The following SAMD4A variants were observed in gnomAD, a reference collection of about 807,000 sequenced individuals.
The protein encoded by SAMD4A is sterile alpha motif domain containing 4A, also known as protein Smaug homolog 1.
Under a neutral mutation model 81.3 loss-of-function variants are expected in SAMD4A, and 33 were observed. The ratio of observed to expected loss-of-function variants is 0.41; its 90% CI spans 0.31 to 0.54. The LOEUF (loss-of-function observed/expected upper bound fraction) is 0.54, where lower values mean the gene tolerates loss of function less well. Among genes scored for constraint, SAMD4A ranks in the 20% least tolerant of loss-of-function variants. SAMD4A has a pLI of 0.37. For synonymous variants in SAMD4A, 389 were observed against 382.1 expected, an observed-to-expected ratio of 1.02 and a Z score of -0.21; for missense variants, 854 against 951.1, an observed-to-expected ratio of 0.90 and a Z score of 1.34.
chr14:54,692,878 C>CCCT (rs1555343986), intron 2 of SAMD4A: 2 of 141,876 alleles, frequency 1.4e-5, no homozygotes, highest in East Asian at 2.0e-4. Context: ...CACTTAGTGC[C>CCCT]CCCCCCCGCA....
chr14:54,623,408 A>G (rs905252075), intron 2 of SAMD4A, among the ~76,000 whole-genome samples: 9 of 142,986 alleles, frequency 6.3e-5, no homozygotes, highest in African/African-American at 2.3e-4. Context: ...GAGAGCATTT[A>G]TAGTCACAGC....
chr14:54,673,677 C>T (rs920564039), intron 2 of SAMD4A, among the ~76,000 whole-genome samples: 48 of 152,216 alleles, frequency 3.2e-4, no homozygotes, highest in African/African-American at 1.1e-3. Context: ...GGTGGGAGGG[C>T]TCTGCAGCCC....
chr14:54,689,699 C>A (rs2036382684), intron 2 of SAMD4A: 1 of 152,204 alleles, frequency 6.6e-6, no homozygotes, highest in African/African-American at 2.4e-5. Context: ...GACAACTGAA[C>A]CCATCTTAGG....
chr14:54,584,697 TA>T (rs1284380570), intron 2 of SAMD4A, among the ~76,000 whole-genome samples: 1 of 152,200 alleles, frequency 6.6e-6, no homozygotes, highest in Non-Finnish European at 1.5e-5. Context: ...ACACAATTGT[TA>T]ACATGTTTTC....
At chr14:54,724,574 G>A (rs1185166277) in intron 3 of SAMD4A, among the ~76,000 whole-genome samples, 1 of 152,198 alleles carries the variant, frequency 6.6e-6, no homozygotes, top group Non-Finnish European at 1.5e-5. Flanking sequence ...ACTGGGAACA[G>A]TGGGCCTCAC....
At chr14:54,677,076 A>G (rs1291378364) in intron 2 of SAMD4A, among the ~76,000 whole-genome samples, 1 of 152,060 alleles carries the variant, frequency 6.6e-6, no homozygotes, top group Non-Finnish European at 1.5e-5. Flanking sequence ...CTGACTTCCC[A>G]TTTCTCTGTG....
chr14:54,754,802 T>G (rs1594899763), intron 6 of SAMD4A: 3 of 987,272 alleles, frequency 3.0e-6, no homozygotes, highest in African/African-American at 1.7e-5. Context: ...GTGGTGGCTG[T>G]CTGAGTTCTG....
chr14:54,626,055 TGTGTGCGCGCGCGCGC>T (rs1483446461), intron 2 of SAMD4A, among the ~76,000 whole-genome samples: 11 of 108,292 alleles, frequency 1.0e-4, no homozygotes, highest in Non-Finnish European at 1.3e-4. Flanking sequence ...TGTGTGTGTG[TGTGTGCGCGCGCGCGC>T]GCGCGAGTGC....
At chr14:54,744,205 G>A (rs7158692) in intron 4 of SAMD4A, among the ~76,000 whole-genome samples, 2,049 of 152,258 alleles carry the variant, frequency 0.013, 50 homozygotes, top group African/African-American at 0.047. Context: ...CCTTCATGCT[G>A]CATTCGATAT....
chr14:54,730,162 G>C lies in SAMD4A; in HGVS notation c.716-6862G>C, dbSNP rs549897389. Among the ~76,000 whole-genome samples the C allele has an allele frequency of 7.9e-5, 12 of 152,340 alleles. No homozygotes were observed. In the South Asian group the frequency reaches 2.3e-3, roughly 29 times the overall value. ...GCTCTGCCCAAAAACTGAGCCATCT[G>C]TAGAGTAGTAAGAGCTGACACCAGT... On this transcript the variant is annotated intron_variant, in intron 3 of 12. Coordinates refer to ENST00000554335, the MANE Select transcript of SAMD4A (RefSeq NM_015589.6).
At chr14:54,758,978 G>A (rs1242888477) in intron 6 of SAMD4A, among the ~76,000 whole-genome samples, 1 of 152,180 alleles carries the variant, frequency 6.6e-6, no homozygotes, top group African/African-American at 2.4e-5. Context: ...GCCAGGCAGG[G>A]CCCCAGGCTC....
chr14:54,770,021 A>C (rs1290950476), intron 8 of SAMD4A, 83 bp from the exon 9 acceptor site: 1 of 867,248 alleles, frequency 1.2e-6, no homozygotes, highest in Non-Finnish European at 1.9e-6. Context: ...AGAGACTCCA[A>C]TGTTTTCCCC....
intron 2 of SAMD4A, among the ~76,000 whole-genome samples, chr14:54,659,468 T>G (rs1359261394): frequency 6.6e-6 from 1 of 152,172 alleles, no homozygotes; most frequent in Non-Finnish European, 1.5e-5. Flanking sequence ...CAGTGTGGGT[T>G]TTTTGTTTTT....
At chr14:54,746,160 A>G (rs2037962865) in intron 4 of SAMD4A, among the ~76,000 whole-genome samples, 1 of 152,164 alleles carries the variant, frequency 6.6e-6, no homozygotes, top group Admixed American at 6.5e-5. Context: ...TTGGCAAGGG[A>G]AGGTACCTCA....
rs977045704 is a variant in SAMD4A, at chr14:54,712,687, T to C, written c.715+10107T>C. On this transcript the variant is annotated intron_variant, in intron 3 of 12. Coordinates refer to ENST00000554335, the MANE Select transcript of SAMD4A (RefSeq NM_015589.6). ...AAAATGCTGTAGTGGGCGAGAAGCC[T>C]GCTAGTTGATCATGTGTTGGAGATC... Among the ~76,000 whole-genome samples, 4 of 152,286 alleles carry C rather than the reference T, an allele frequency of 2.6e-5. No homozygotes were observed. In the East Asian group the frequency reaches 5.8e-4, roughly 22 times the overall value.
At chr14:54,655,036 A>G (rs2035487996) in intron 2 of SAMD4A, among the ~76,000 whole-genome samples, 1 of 152,192 alleles carries the variant, frequency 6.6e-6, no homozygotes, top group Non-Finnish European at 1.5e-5. Context: ...GGCTTTTTTC[A>G]TCGGAGACTA....
rs2035870049 is a variant in SAMD4A at position 54,671,021 on chromosome 14, G to C, written c.197-31041G>C. Among the ~76,000 whole-genome samples the C allele has an allele frequency of 3.3e-5, 5 of 152,130 alleles. No individual in the cohort carries two copies. The South Asian group carries it at 1.0e-3, about 32-fold the overall frequency. ...ACCCACCGAGGATGTGCAGAGCTCA[G>C]GCGTGGCTGAGGGGACCCAAGTTGA... On this transcript the variant is annotated intron_variant, in intron 2 of 12. Coordinates refer to ENST00000554335, the MANE Select transcript of SAMD4A (RefSeq NM_015589.6).
chr14:54,764,711 C>T (rs2038490912), intron 8 of SAMD4A, among the ~76,000 whole-genome samples, 171 bp downstream of exon 8: 3 of 152,198 alleles, frequency 2.0e-5, no homozygotes. Context: ...AACCCAAACA[C>T]AGCTTGAACA....
intron 2 of SAMD4A, among the ~76,000 whole-genome samples, chr14:54,678,991 A>C (rs2036066846): frequency 6.6e-6 from 1 of 152,246 alleles, no homozygotes; most frequent in African/African-American, 2.4e-5. Flanking sequence ...TAAAAATAGT[A>C]AATAGCCAAG....
Sources: gnomAD v4.1 joint callset for allele counts (sites outside exome capture counted in the v4.1 genomes callset) on GRCh38, gnomAD v4.1.1 for gene constraint, MANE v1.5 for transcripts, NCBI Gene and HGNC (gene_info 2026-07-23, HGNC 2026-07-21) for gene names.